Variants in CCDC13 observed in about 807,000 individuals in gnomAD.
CCDC13 encodes the protein coiled-coil domain-containing protein 13.
In CCDC13, 70 loss-of-function variants were observed where a neutral mutation model predicts 87.3. The ratio of observed to expected loss-of-function variants is 0.80; its 90% CI spans 0.66 to 0.98. The LOEUF (loss-of-function observed/expected upper bound fraction) is 0.98, where lower values mean the gene tolerates loss of function less well. CCDC13 is among the 50% of genes least tolerant of loss of function. The pLI is 0.00. For synonymous variants in CCDC13, 317 were observed against 360.3 expected (o/e 0.88, Z 1.36); for missense variants, 842 against 892.0 (o/e 0.94, Z 0.71).
intron 13 of CCDC13, among the ~76,000 whole-genome samples, chr3:42,714,928 T>C (rs1186440769): frequency 6.6e-6 from 1 of 152,148 alleles, no homozygotes; most frequent in African/African-American, 2.4e-5. Context: ...TAGAACGTGA[T>C]AGAATATGAT....
intron 8 of CCDC13, among the ~76,000 whole-genome samples, 193 bp from the exon 9 acceptor site, chr3:42,740,003 G>A (rs112444272): frequency 8.9e-4 from 136 of 152,210 alleles, no homozygotes; most frequent in African/African-American, 3.2e-3. Flanking sequence ...GTGGCCAGCA[G>A]CCTCCCACCC....
At chr3:42,770,610 T>C (rs1365396149) in intron 1 of CCDC13, 1 of 152,302 alleles carries the variant, frequency 6.6e-6, no homozygotes, top group Non-Finnish European at 1.5e-5. Flanking sequence ...GGCAACCTGC[T>C]GAGGTCCCCT....
Position 42,752,022 on chromosome 3 carries a change from G to A in CCDC13, c.517C>T (p.Gln173Ter). 1 of 1,605,396 alleles carries A rather than the reference G, an allele frequency of 6.2e-7. No homozygotes were observed. Among genetic ancestry groups the A allele is most frequent in the Non-Finnish European group, 8.5e-7 (1 of 1,179,902 alleles). ...GCTGACAGCCTGGTCAGGGCTGTCT[G>A]CAGCTGAAAAAGCAAACCTCGTGCT... Reference protein sequence around the residue: ...NRIQELERELQTALTRLSAKG... With the variant: ...NRIQELEREL The change falls in exon 5 of 16, where the codon CAG (glutamine) becomes TAG (stop). Residue 173 changes from glutamine to a stop codon, truncating the protein, a stop_gained. Coordinates refer to ENST00000310232, the MANE Select transcript of CCDC13 (RefSeq NM_144719.4). LOFTEE classifies it high-confidence loss of function.
intron 1 of CCDC13, among the ~76,000 whole-genome samples, chr3:42,766,516 G>A (rs1471809842): frequency 6.6e-6 from 1 of 151,186 alleles, no homozygotes; most frequent in Admixed American, 6.6e-5. Context: ...GAAAGGAGGG[G>A]AGGTAATTCT....
In CCDC13 at chr3:42,713,204, T is replaced by C; in HGVS notation, c.1831A>G (p.Lys611Glu). The change falls in exon 14 of 16, where the codon AAG becomes GAG. Residue 611 changes from lysine to glutamate, a missense_variant. Transcript: ENST00000310232. ...HLEKIRLEPG[K>E]ASASQRAAPR... ...GCTGCTCTCTGGGAGGCTGATGCCT[T>C]CCCTGGCTCCAGGCGTATCTTCTCC... 1 of 1,614,188 alleles carries C rather than the reference T, an allele frequency of 6.2e-7. No individual in the cohort carries two copies. The highest frequency in any genetic ancestry group is 8.5e-7 in the Non-Finnish European group (1 of 1,180,012).
intron 9 of CCDC13, among the ~76,000 whole-genome samples, chr3:42,738,164 G>A (rs1699089645): frequency 6.6e-6 from 1 of 152,226 alleles, no homozygotes; most frequent in Non-Finnish European, 1.5e-5. Context: ...TTATTAAATA[G>A]GGAATCCTTC....
intron 13 of CCDC13, among the ~76,000 whole-genome samples, chr3:42,723,682 T>C (rs1468251839): frequency 6.6e-6 from 1 of 152,186 alleles, no homozygotes; most frequent in South Asian, 2.1e-4. Flanking sequence ...ATCCTTCCAA[T>C]AGATACTGAA....
chr3:42,771,916 A>G (rs1433893965), intron 1 of CCDC13, among the ~76,000 whole-genome samples: 1 of 152,220 alleles, frequency 6.6e-6, no homozygotes, highest in South Asian at 2.1e-4. Flanking sequence ...TACGGAATAC[A>G]TAAAGGAACT....
rs770986343 is a variant in CCDC13, at chr3:42,735,695, T to C, written c.1371+12A>G. On this transcript the variant is annotated intron_variant, in intron 10 of 15. Transcript: ENST00000310232. ...TGAAAATGGGTTTGGGCGCTGCCAGTGCCCTACTCACGTGCACATTGAGTT... is the reference window on the plus strand; with the variant it reads ...TGAAAATGGGTTTGGGCGCTGCCAGCGCCCTACTCACGTGCACATTGAGTT... 15 of 1,612,292 alleles carry C rather than the reference T, an allele frequency of 9.3e-6. No individual in the cohort carries two copies. The highest frequency in any genetic ancestry group is 1.7e-5 in the Admixed American group (1 of 59,974).
At chr3:42,723,946 TA>T (rs1273889751) in intron 13 of CCDC13, among the ~76,000 whole-genome samples, 4 of 152,118 alleles carry the variant, frequency 2.6e-5, no homozygotes, top group African/African-American at 7.2e-5. Flanking sequence ...ATGATCTAAT[TA>T]AAAAATTTAC....
At chr3:42,731,511 A>G (rs1698830511) in intron 12 of CCDC13, among the ~76,000 whole-genome samples, 1 of 151,974 alleles carries the variant, frequency 6.6e-6, no homozygotes, top group South Asian at 2.1e-4. Flanking sequence ...ATCTCCTAGC[A>G]GCTTGTTAGA....
At chr3:42,770,311 AT>A (rs1367709356) in intron 1 of CCDC13, among the ~76,000 whole-genome samples, 1 of 152,088 alleles carries the variant, frequency 6.6e-6, no homozygotes, top group Non-Finnish European at 1.5e-5. Context: ...GACTTTGAGA[AT>A]CTTTATGTCT....
In CCDC13 at chr3:42,709,135, C is replaced by T; in HGVS notation, c.1993G>A (p.Ala665Thr). 1 of 1,609,348 alleles carries T rather than the reference C, an allele frequency of 6.2e-7. No homozygotes were observed. The highest frequency in any genetic ancestry group is 8.5e-7 in the Non-Finnish European group (1 of 1,177,554). Residue 665 changes from alanine to threonine, a missense_variant, in exon 16 of 16, where the codon GCC (alanine) becomes ACC (threonine). Transcript: ENST00000310232. Reference sequence around the variant, plus strand: ...ATTTCATTCTCCTCCACCTGGATGGCCAGCCTGGACCACAGGAGACAGTGC... The same window carrying T: ...ATTTCATTCTCCTCCACCTGGATGGTCAGCCTGGACCACAGGAGACAGTGC... The part of the protein sequence containing the change: ...SQMEELTTRL[A>T]IQVEENEMLK...
intron 13 of CCDC13, among the ~76,000 whole-genome samples, chr3:42,727,351 G>A (rs1425544492): frequency 1.3e-5 from 2 of 151,950 alleles, no homozygotes; most frequent in Non-Finnish European, 2.9e-5. Context: ...CAGCCTGGGT[G>A]ACAGAGAGAG....
intron 13 of CCDC13, among the ~76,000 whole-genome samples, chr3:42,714,431 C>T (rs1242994631): frequency 6.6e-6 from 1 of 152,196 alleles, no homozygotes; most frequent in Non-Finnish European, 1.5e-5. Flanking sequence ...GTTCGCTTTT[C>T]TTGGAGTTAG....
intron 9 of CCDC13, among the ~76,000 whole-genome samples, chr3:42,736,533 C>A (rs953239723): frequency 1.3e-5 from 2 of 152,112 alleles, no homozygotes; most frequent in African/African-American, 4.8e-5. Flanking sequence ...CTTTCAATGA[C>A]AAAGAATGGT....
Position 42,718,889 on chromosome 3 carries a change from T to C in CCDC13, c.1719-5573A>G, listed in dbSNP as rs576530823. ...ACATAAACCCAGGTAAAGGATGGGA[T>C]TGGGTTAGAGGCCCAACTTAGGGGA... On this transcript the variant is annotated intron_variant, in intron 13 of 15. Coordinates refer to ENST00000310232, the MANE Select transcript of CCDC13 (RefSeq NM_144719.4). 4 of 152,192 alleles carry C rather than the reference T, an allele frequency of 2.6e-5. No individual in the cohort carries two copies. In the South Asian group the frequency reaches 8.3e-4, roughly 32 times the overall value. The allele number at this position is 152,192 out of a possible 1,614,324, so 9.4% of individuals were successfully genotyped here. A position where few individuals can be genotyped will look rare whatever the true frequency, so the allele number is the denominator to read the frequency against.
rs562280605 is a variant in CCDC13 at position 42,717,682 on chromosome 3, C to A, written c.1719-4366G>T. Among the ~76,000 whole-genome samples the A allele has an allele frequency of 5.9e-5, 9 of 152,304 alleles. No homozygotes were observed. The South Asian group carries it at 1.9e-3, about 32-fold the overall frequency. On this transcript the variant is annotated intron_variant, in intron 13 of 15. Coordinates refer to ENST00000310232, the MANE Select transcript of CCDC13 (RefSeq NM_144719.4). ...CATATACCACACAAATTTATTATTT[C>A]ACAGTTTCTGTAGGTTAGAAGTCCA...
At position 42,743,600 on chromosome 3, in the gene CCDC13, T is replaced by TATATATATATACATAC; in HGVS notation, c.826-544_826-543insGTATGTATATATATAT. The stretch of plus-strand genomic sequence containing the variant: ...GCCTGGATAATTTTATATATATATA[T>TATATATATATACATAC]ACACACACACATATATATATACACA... On this transcript the variant is annotated intron_variant, in intron 7 of 15. Transcript: ENST00000310232. Among the ~76,000 whole-genome samples the TATATATATATACATAC allele has an allele frequency of 2.0e-4, 25 of 125,788 alleles. No individual in the cohort carries two copies. In the East Asian group the frequency reaches 4.5e-3, roughly 23 times the overall value. 82.5% of individuals were successfully genotyped at this position (125,788 alleles called of 152,430 possible). A position where few individuals can be genotyped will look rare whatever the true frequency, so the allele number is the denominator to read the frequency against.
Sources: gnomAD v4.1 joint callset for allele counts (sites outside exome capture counted in the v4.1 genomes callset) on GRCh38, gnomAD v4.1.1 for gene constraint, MANE v1.5 for transcripts, NCBI Gene and HGNC (gene_info 2026-07-23, HGNC 2026-07-21) for gene names.